PUM3: variants seen among roughly 807,000 people sequenced by gnomAD.
PUM3 encodes pumilio homolog 3.
In PUM3, 91 loss-of-function variants were observed where a neutral mutation model predicts 84.0. The ratio of observed to expected loss-of-function variants is 1.08; its 90% confidence interval spans 0.91 to 1.29. The LOEUF is 1.29. Among genes scored for constraint, PUM3 ranks in the 50% most tolerant of loss-of-function variants. The pLI is 0.00. For missense variants in PUM3, 1,067 were observed against 767.5 expected (o/e 1.39, Z -4.61); for synonymous variants, 321 against 266.7 (o/e 1.20, Z -1.98).
chr9:2,824,643 A>T, intron 11 of PUM3, 74 bp downstream of exon 11: 1 of 955,350 alleles, frequency 1.0e-6, no homozygotes, highest in Non-Finnish European at 1.4e-6. Flanking sequence ...GTCTAAGGAC[A>T]GCTAAGTCAA....
In PUM3 at chr9:2,807,807, T is replaced by C. The variant is rs761001598; in HGVS notation, c.1814+7A>G. Reference sequence around the variant, plus strand: ...CCTGCTCAGAGAAGGGCACATGTTATACATACCTAGAAAGAATAATGGCAC... The same window carrying C: ...CCTGCTCAGAGAAGGGCACATGTTACACATACCTAGAAAGAATAATGGCAC... On this transcript the variant is annotated splice_region_variant and intron_variant, in intron 17 of 17. Coordinates refer to ENST00000397885, the MANE Select transcript of PUM3 (RefSeq NM_014878.5). 1.1e-5 allele frequency: 17 copies of C among 1,589,220 alleles called. No homozygotes were observed. The highest frequency in any genetic ancestry group is 5.0e-5 in the Admixed American group (3 of 59,954).
chr9:2,841,210 C>T (rs774181440), intron 1 of PUM3, among the ~76,000 whole-genome samples: 1 of 152,192 alleles, frequency 6.6e-6, no homozygotes, highest in Non-Finnish European at 1.5e-5. Context: ...CTAACCTGTA[C>T]CCCGTGAGAA....
In PUM3 at chr9:2,825,321, G is replaced by A. The variant is rs4407942; in HGVS notation, c.1036-506C>T. Among the ~76,000 whole-genome samples, 3 of 151,930 alleles carry A rather than the reference G, an allele frequency of 2.0e-5. No homozygotes were observed. In the East Asian group the frequency reaches 5.8e-4, roughly 29 times the overall value. ...AAATCACATTCTTTACCATAAACAC[G>A]CTTACATAACATTTCCTCATGAAAA... On this transcript the variant is annotated intron_variant, in intron 10 of 17. Transcript: ENST00000397885.
At chr9:2,837,502 T>A (rs989088392) in intron 2 of PUM3, 101 bp from the exon 3 acceptor site, 4 of 699,124 alleles carry the variant, frequency 5.7e-6, no homozygotes, top group Middle Eastern at 3.9e-4. Flanking sequence ...TTAATCCCAA[T>A]ACCATGTCTT....
chr9:2,823,058 A>G (rs180723245), intron 12 of PUM3, among the ~76,000 whole-genome samples: 29 of 152,082 alleles, frequency 1.9e-4, no homozygotes, highest in African/African-American at 7.0e-4. Flanking sequence ...TAGTTCATCA[A>G]TAAATTAGAA....
In PUM3 at chr9:2,807,884, C is replaced by G; in HGVS notation, c.1744G>C (p.Val582Leu). ...GREGCFAKTL[V>L]EHVGMKNLKS... ...AGGTTCTTCATACCAACATGCTCTACAAGTGTTTTTGCAAAACAACCTGTA... is the reference window on the plus strand; with the variant it reads ...AGGTTCTTCATACCAACATGCTCTAGAAGTGTTTTTGCAAAACAACCTGTA... Residue 582 changes from valine to leucine, a missense_variant, in exon 17 of 18, where the codon GTA becomes CTA. Val to Leu is a conservative substitution (Grantham distance 32). Coordinates refer to ENST00000397885, the MANE Select transcript of PUM3 (RefSeq NM_014878.5). 1 of 1,613,180 alleles carries G rather than the reference C, an allele frequency of 6.2e-7. No individual in the cohort carries two copies. Among genetic ancestry groups the G allele is most frequent in the Non-Finnish European group, 8.5e-7 (1 of 1,179,498 alleles).
chr9:2,836,199 A>T (rs1329111142), intron 3 of PUM3, among the ~76,000 whole-genome samples: 1 of 152,152 alleles, frequency 6.6e-6, no homozygotes, highest in Non-Finnish European at 1.5e-5. Flanking sequence ...GCCCTTAGGC[A>T]GGGTAAAAAG....
intron 12 of PUM3, 101 bp from the exon 13 acceptor site, chr9:2,820,199 C>T: frequency 3.1e-6 from 1 of 326,956 alleles, no homozygotes; most frequent in Non-Finnish European, 5.3e-6. Context: ...CGAGACTCCG[C>T]TCAAAAAAAA....
intron 14 of PUM3, among the ~76,000 whole-genome samples, chr9:2,811,840 CAA>C (rs60586864): frequency 4.2e-4 from 42 of 101,130 alleles, no homozygotes; most frequent in Admixed American, 8.4e-4. Flanking sequence ...TGTGTAATAC[CAA>C]AAAAAAAAAA....
chr9:2,807,467 G>A (rs1312606189), intron 17 of PUM3, among the ~76,000 whole-genome samples: 3 of 151,400 alleles, frequency 2.0e-5, no homozygotes, highest in Admixed American at 1.3e-4. Context: ...GTTGGGTGTG[G>A]TGGCATGCGT....
At chr9:2,842,476 C>G (rs1272808787) in intron 1 of PUM3, among the ~76,000 whole-genome samples, 2 of 152,172 alleles carry the variant, frequency 1.3e-5, no homozygotes, top group African/African-American at 4.8e-5. Flanking sequence ...CTATTCTTAT[C>G]AGAATAGTGA....
chr9:2,837,356 T>A lies in PUM3; in HGVS notation c.128A>T (p.Glu43Val), dbSNP rs1816155258. The part of the protein sequence containing the change: ...KTFPTRKVAK[E>V]GGPKVTSRNF... ...CCTAGATGTGACTTTAGGTCCACCT[T>A]CTTTAGCAACTTTCCTTGTTGGAAA... The change falls in exon 3 of 18, where the codon GAA (glutamate) becomes GTA (valine). Residue 43 changes from glutamate (E) to valine (V), a missense_variant. Transcript: ENST00000397885. 1 of 1,613,834 alleles carries A rather than the reference T, an allele frequency of 6.2e-7. No individual in the cohort carries two copies. Among genetic ancestry groups the A allele is most frequent in the Non-Finnish European group, 8.5e-7 (1 of 1,179,898 alleles).
chr9:2,810,405 T>C lies in PUM3; in HGVS notation c.1662A>G (p.Gly554=). The change falls in exon 16 of 18, where the codon GGA becomes GGG. Residue 554 remains glycine, a synonymous_variant. Coordinates refer to ENST00000397885, the MANE Select transcript of PUM3 (RefSeq NM_014878.5). ...GELHIAEHPA[G]HLVLKWLIEQ... ...CTATTAACCACTTCAGAACTAGATG[T>C]CCTGCAGGATGTTCTGCAATGTGAA... 1 of 1,611,370 alleles carries C rather than the reference T, an allele frequency of 6.2e-7. No individual in the cohort carries two copies. Among genetic ancestry groups the C allele is most frequent in the Non-Finnish European group, 8.5e-7 (1 of 1,178,624 alleles).
intron 11 of PUM3, among the ~76,000 whole-genome samples, chr9:2,824,065 G>T (rs1815741544): frequency 6.6e-6 from 1 of 152,164 alleles, no homozygotes; most frequent in African/African-American, 2.4e-5. Flanking sequence ...GTTAGGGTTA[G>T]GGTTAGGGTT....
At position 2,820,093 on chromosome 9, in the gene PUM3, T is replaced by G; in HGVS notation, c.1194A>C (p.Gln398His). Residue 398 changes from glutamine (Q) to histidine (H), a missense_variant, in exon 13 of 18, where the codon CAA (glutamine) becomes CAC (histidine). Physicochemically the swap from Gln to His is conservative, Grantham distance 24. Transcript: ENST00000397885. ...KTYVEKVANGQYSHLVLLAAF... is the reference protein window; with the variant it reads ...KTYVEKVANGHYSHLVLLAAF... ...CCGCCAGTAAAACCAAATGGGAGTA[T>G]TGGCCCTGCAAGAATTGGAAGCCAG... 1.2e-6 allele frequency: 2 copies of G among 1,609,412 alleles called. No homozygotes were observed. Among genetic ancestry groups the G allele is most frequent in the Non-Finnish European group, 1.7e-6 (2 of 1,176,212 alleles).
Position 2,837,214 on chromosome 9 carries a change from C to G in PUM3, c.270G>C (p.Lys90Asn). Residue 90 changes from lysine to asparagine, a missense_variant, in exon 3 of 18, where the codon AAG (lysine) becomes AAC (asparagine). Coordinates refer to ENST00000397885, the MANE Select transcript of PUM3 (RefSeq NM_014878.5). ...TACCATCTGGCTGGAATTTTCTCTT[C>G]TTGTTGAATTTATTTGCCGGCTGGA... Reference protein sequence around the residue: ...NKFQPANKFNKKRKFQPDGRS... With the variant: ...NKFQPANKFNNKRKFQPDGRS... The G allele has an allele frequency of 6.2e-7, 1 of 1,614,106 alleles. No individual in the cohort carries two copies. The highest frequency in any genetic ancestry group is 8.5e-7 in the Non-Finnish European group (1 of 1,179,954).
chr9:2,827,908 T>C (rs575002694), intron 9 of PUM3, among the ~76,000 whole-genome samples: 1 of 152,302 alleles, frequency 6.6e-6, no homozygotes, highest in African/African-American at 2.4e-5. Flanking sequence ...TTAGTAATAG[T>C]TGGGGGAGTG....
Position 2,837,177 on chromosome 9 carries a change from T to A in PUM3, c.304+3A>T. 1 of 1,613,420 alleles carries A rather than the reference T, an allele frequency of 6.2e-7. No homozygotes were observed. The highest frequency in any genetic ancestry group is 8.5e-7 in the Non-Finnish European group (1 of 1,179,380). ...GTTCAGGCATGAACGAACCAGTACT[T>A]ACCATCGCTTCTACCATCTGGCTGG... On this transcript the variant is annotated splice_donor_region_variant and intron_variant, in intron 3 of 17. Transcript: ENST00000397885.
At chr9:2,812,174 C>T (rs1186006712) in intron 14 of PUM3, 46 bp downstream of exon 14, 3 of 1,557,592 alleles carry the variant, frequency 1.9e-6, no homozygotes, top group Non-Finnish European at 2.7e-6. Flanking sequence ...CACTACTCAA[C>T]ATTAACAGAG....
Sources: gnomAD v4.1 joint callset for allele counts (sites outside exome capture counted in the v4.1 genomes callset) on GRCh38, gnomAD v4.1.1 for gene constraint, MANE v1.5 for transcripts, NCBI Gene and HGNC (gene_info 2026-07-23, HGNC 2026-07-21) for gene names.